SYT10: variants seen among roughly 807,000 people sequenced by gnomAD.
SYT10 encodes synaptotagmin-10.
In SYT10, 31 loss-of-function variants were observed where a neutral mutation model predicts 51.1. The ratio of observed to expected loss-of-function variants is 0.61; its 90% confidence interval spans 0.46 to 0.82. The LOEUF is 0.82. SYT10 is among the 40% of genes least tolerant of loss of function. The pLI is 0.00. For synonymous variants in SYT10, 233 were observed against 225.9 expected (o/e 1.03, Z -0.28); for missense variants, 603 against 634.0 (o/e 0.95, Z 0.53).
chr12:33,402,917 G>A (rs1866318766), intron 3 of SYT10, among the ~76,000 whole-genome samples: 1 of 151,914 alleles, frequency 6.6e-6, no homozygotes, highest in Non-Finnish European at 1.5e-5. Context: ...TTAGCATGAA[G>A]AAGGAAAAAG....
chr12:33,386,035 G>GA (rs573880054), intron 3 of SYT10, among the ~76,000 whole-genome samples: 60 of 152,156 alleles, frequency 3.9e-4, no homozygotes, highest in African/African-American at 1.3e-3. Flanking sequence ...GTCCACATTT[G>GA]TTTTTTGAAA....
Position 33,439,447 on chromosome 12 carries a change from C to A in SYT10, c.76G>T (p.Ala26Ser). The A allele has an allele frequency of 6.2e-7, 1 of 1,614,220 alleles. No individual in the cohort carries two copies. The highest frequency in any genetic ancestry group is 8.5e-7 in the Non-Finnish European group (1 of 1,180,024). Residue 26 changes from alanine (A) to serine (S), a missense_variant, in exon 1 of 7, where the codon GCC becomes TCC. Coordinates refer to ENST00000228567, the MANE Select transcript of SYT10 (RefSeq NM_198992.4). ...ALHIVTELCF[A>S]GQVEWEKCSG... ...CACTTCTCCCACTCCACCTGGCCGGCGAAGCACAGCTCGGTGACGATGTGC... is the reference window on the plus strand; with the variant it reads ...CACTTCTCCCACTCCACCTGGCCGGAGAAGCACAGCTCGGTGACGATGTGC...
intron 2 of SYT10, among the ~76,000 whole-genome samples, chr12:33,409,817 G>GT (rs1464495535): frequency 6.7e-6 from 1 of 149,884 alleles, no homozygotes; most frequent in Non-Finnish European, 1.5e-5. Flanking sequence ...CATTTGAGAA[G>GT]TAGTGACAGG....
chr12:33,407,462 T>TA (rs1866369193), intron 2 of SYT10, 106 bp from the exon 3 acceptor site: 2 of 1,170,872 alleles, frequency 1.7e-6, no homozygotes, highest in East Asian at 4.7e-5. Flanking sequence ...AGTGAAAAGA[T>TA]ATCTATATCT....
chr12:33,430,062 G>A (rs1218170381), intron 1 of SYT10, among the ~76,000 whole-genome samples: 1 of 152,218 alleles, frequency 6.6e-6, no homozygotes, highest in Non-Finnish European at 1.5e-5. Context: ...TATCATATCT[G>A]GAAAGATTAA....
chr12:33,414,361 C>T (rs1866435700), intron 2 of SYT10, among the ~76,000 whole-genome samples: 1 of 152,182 alleles, frequency 6.6e-6, no homozygotes, highest in Non-Finnish European at 1.5e-5. Flanking sequence ...AACTCTCCAC[C>T]CCAAATCAAC....
intron 2 of SYT10, among the ~76,000 whole-genome samples, chr12:33,414,345 C>T (rs549829480): frequency 6.6e-6 from 1 of 152,202 alleles, no homozygotes. Flanking sequence ...TAATAGACAT[C>T]TACAGAACTC....
At chr12:33,428,664 T>A (rs1473951030) in intron 1 of SYT10, among the ~76,000 whole-genome samples, 1 of 152,120 alleles carries the variant, frequency 6.6e-6, no homozygotes, top group East Asian at 1.9e-4. Flanking sequence ...CCCAGCACTT[T>A]GGGAGGCTGA....
At chr12:33,437,734 G>T (rs1350102693) in intron 1 of SYT10, among the ~76,000 whole-genome samples, 2 of 152,060 alleles carry the variant, frequency 1.3e-5, no homozygotes, top group Non-Finnish European at 2.9e-5. Context: ...GGTCACTAAA[G>T]ACGTTTCAGA....
At chr12:33,386,607 TTC>T (rs1866158897) in intron 3 of SYT10, among the ~76,000 whole-genome samples, 1 of 152,192 alleles carries the variant, frequency 6.6e-6, no homozygotes, top group Non-Finnish European at 1.5e-5. Flanking sequence ...CCATCATTCA[TTC>T]TGAGACTGTA....
intron 3 of SYT10, among the ~76,000 whole-genome samples, chr12:33,404,635 C>T (rs1013488363): frequency 3.3e-5 from 5 of 152,142 alleles, no homozygotes; most frequent in African/African-American, 1.2e-4. Context: ...TCGTGATCCA[C>T]CCACCTTGGC....
chr12:33,409,050 G>T (rs1866383091), intron 2 of SYT10, among the ~76,000 whole-genome samples: 1 of 150,220 alleles, frequency 6.7e-6, no homozygotes, highest in Non-Finnish European at 1.5e-5. Context: ...TTTCCTTCCA[G>T]CTCTGTCTTA....
At chr12:33,411,731 A>C (rs1866406675) in intron 2 of SYT10, among the ~76,000 whole-genome samples, 1 of 152,156 alleles carries the variant, frequency 6.6e-6, no homozygotes, top group Admixed American at 6.5e-5. Flanking sequence ...AGTCTTTGCT[A>C]ACTTAAATCT....
intron 2 of SYT10, among the ~76,000 whole-genome samples, chr12:33,417,193 C>T (rs1866461722): frequency 2.0e-5 from 3 of 152,130 alleles, no homozygotes; most frequent in African/African-American, 4.8e-5. Flanking sequence ...TATTGAGAGG[C>T]AGAGCCTGTA....
At chr12:33,403,192 G>GA (rs1866321121) in intron 3 of SYT10, among the ~76,000 whole-genome samples, 1 of 149,904 alleles carries the variant, frequency 6.7e-6, no homozygotes, top group Non-Finnish European at 1.5e-5. Flanking sequence ...AGAATTATAA[G>GA]AATATTTATA....
At chr12:33,382,261 T>C (rs1866121495) in intron 5 of SYT10, 88 bp downstream of exon 5, 1 of 1,159,478 alleles carries the variant, frequency 8.6e-7, no homozygotes, top group Admixed American at 3.1e-5. Flanking sequence ...ATTAAAACTG[T>C]TGTGGCAGTA....
chr12:33,415,644 C>T (rs1031893650), intron 2 of SYT10, among the ~76,000 whole-genome samples: 3 of 152,130 alleles, frequency 2.0e-5, no homozygotes, highest in Non-Finnish European at 2.9e-5. Flanking sequence ...AAATCTGCAT[C>T]AGAAACTCTC....
intron 1 of SYT10, among the ~76,000 whole-genome samples, chr12:33,435,512 C>T (rs1328977434): frequency 6.6e-6 from 1 of 152,128 alleles, no homozygotes; most frequent in Non-Finnish European, 1.5e-5. Context: ...CTTATATATT[C>T]TTCTTCAAAC....
chr12:33,417,607 T>A (rs551753734), intron 2 of SYT10, among the ~76,000 whole-genome samples: 1 of 152,248 alleles, frequency 6.6e-6, no homozygotes, highest in Non-Finnish European at 1.5e-5. Flanking sequence ...GAAAACAGAT[T>A]GCTGTGCAGC....
Sources: allele counts gnomAD v4.1 joint callset (sites outside exome capture counted in the v4.1 genomes callset), GRCh38; gene constraint gnomAD v4.1.1; transcripts MANE v1.5; gene names NCBI Gene and HGNC (gene_info 2026-07-23, HGNC 2026-07-21).